DSCAM: variants seen among roughly 807,000 people sequenced by gnomAD.
DSCAM encodes cell adhesion molecule DSCAM.
In DSCAM, 47 loss-of-function variants were observed where a neutral mutation model predicts 217.7. The observed-to-expected ratio is 0.22, with a 90% CI of 0.17 to 0.28. DSCAM has a LOEUF of 0.28. Among genes scored for constraint, DSCAM ranks in the 10% least tolerant of loss-of-function variants. DSCAM has a pLI of 1.00. For missense variants in DSCAM, 2,080 were observed against 2,618.3 expected (o/e 0.79, Z 4.49); for synonymous variants, 1,056 against 1,015.3 (o/e 1.04, Z -0.76).
At chr21:40,057,873 CTTTT>C (rs71186913) in intron 28 of DSCAM, among the ~76,000 whole-genome samples, 42 of 107,208 alleles carry the variant, frequency 3.9e-4, no homozygotes, top group Admixed American at 9.2e-4. Flanking sequence ...TCACTGCAGT[CTTTT>C]TTTTTTTTTT....
intron 10 of DSCAM, among the ~76,000 whole-genome samples, chr21:40,289,208 C>T (rs761328463): frequency 2.0e-5 from 3 of 152,092 alleles, no homozygotes; most frequent in African/African-American, 4.8e-5. Flanking sequence ...AAATGGGCAA[C>T]CAACAGGGTA....
At chr21:40,677,406 G>C (rs980412611) in intron 3 of DSCAM, among the ~76,000 whole-genome samples, 4 of 152,046 alleles carry the variant, frequency 2.6e-5, no homozygotes, top group East Asian at 1.9e-4. Flanking sequence ...TGGGAGCCGG[G>C]GGGTGAGGGA....
chr21:40,208,358 G>A (rs773296923), intron 11 of DSCAM, among the ~76,000 whole-genome samples: 17 of 152,188 alleles, frequency 1.1e-4, no homozygotes, highest in Non-Finnish European at 1.8e-4. Flanking sequence ...GGAGGCTGAG[G>A]CATGAGAATA....
At chr21:40,288,552 C>T (rs552339696) in intron 10 of DSCAM, among the ~76,000 whole-genome samples, 3 of 152,244 alleles carry the variant, frequency 2.0e-5, no homozygotes, top group South Asian at 2.1e-4. Flanking sequence ...ACTTCTAATA[C>T]GTATGGTGCT....
At chr21:40,731,950 C>T (rs1365158556) in intron 1 of DSCAM, among the ~76,000 whole-genome samples, 1 of 152,120 alleles carries the variant, frequency 6.6e-6, no homozygotes, top group Non-Finnish European at 1.5e-5. Context: ...TGGTCTCAAA[C>T]TCCTGACCTC....
chr21:40,731,730 C>CG (rs1301503626), intron 1 of DSCAM, among the ~76,000 whole-genome samples: 3 of 89,846 alleles, frequency 3.3e-5, no homozygotes, highest in African/African-American at 1.8e-4. Context: ...CCCACTGCAC[C>CG]CCCCCCCCCG....
At chr21:40,651,958 C>A (rs1022194821) in intron 3 of DSCAM, among the ~76,000 whole-genome samples, 25 of 152,190 alleles carry the variant, frequency 1.6e-4, no homozygotes, top group African/African-American at 5.8e-4. Context: ...TCAGCCCCCC[C>A]ACCTTTTTCT....
chr21:40,230,453 T>C (rs2091371297), intron 11 of DSCAM, among the ~76,000 whole-genome samples: 1 of 152,206 alleles, frequency 6.6e-6, no homozygotes, highest in Admixed American at 6.5e-5. Flanking sequence ...ATCAAATCTG[T>C]GAGCACTGAC....
intron 27 of DSCAM, among the ~76,000 whole-genome samples, chr21:40,065,140 C>T (rs1302293982): frequency 6.6e-6 from 1 of 151,994 alleles, no homozygotes; most frequent in African/African-American, 2.4e-5. Flanking sequence ...GCAGGGAGTC[C>T]AGGAAAAGGG....
intron 16 of DSCAM, among the ~76,000 whole-genome samples, chr21:40,159,290 T>G (rs899445664): frequency 1.4e-4 from 21 of 152,226 alleles, no homozygotes; most frequent in Non-Finnish European, 2.5e-4. Context: ...TACTAACTTA[T>G]GTATCTCACT....
intron 3 of DSCAM, among the ~76,000 whole-genome samples, chr21:40,601,214 T>TCG (rs1391227432): frequency 1.3e-5 from 2 of 152,208 alleles, no homozygotes; most frequent in Admixed American, 1.3e-4. Context: ...TTTGTAGTTT[T>TCG]CTTCATGTAA....
At position 40,384,411 on chromosome 21, in the gene DSCAM, T is replaced by C. The variant is rs146096200; in HGVS notation, c.509-15166A>G. Among the ~76,000 whole-genome samples the C allele has an allele frequency of 2.9e-3, 437 of 152,002 alleles. 2 individuals carry two copies. Among genetic ancestry groups the C allele is most frequent in the Non-Finnish European group, 4.2e-3 (286 of 67,944 alleles). On this transcript the variant is annotated intron_variant, in intron 3 of 32. Transcript: ENST00000400454. Reference sequence around the variant, plus strand: ...TCATCAGAGGTCAGGAGTTAGAGACTAGCCTGACCAACATGGTGAAACCCC... The same window carrying C: ...TCATCAGAGGTCAGGAGTTAGAGACCAGCCTGACCAACATGGTGAAACCCC...
intron 5 of DSCAM, 93 bp from the exon 6 acceptor site, chr21:40,348,038 T>C (rs1222795450): frequency 2.9e-6 from 4 of 1,379,696 alleles, no homozygotes; most frequent in Non-Finnish European, 2.9e-6. Flanking sequence ...AGCAAGTGCA[T>C]CACGCAATCA....
chr21:40,832,296 A>T (rs2837847), intron 1 of DSCAM, among the ~76,000 whole-genome samples: 9,176 of 152,284 alleles, frequency 0.06, 659 homozygotes, highest in African/African-American at 0.15. Flanking sequence ...TAGCTAATAA[A>T]CATAACGAGT....
intron 3 of DSCAM, among the ~76,000 whole-genome samples, chr21:40,446,062 A>G (rs1418681200): frequency 6.6e-6 from 1 of 152,206 alleles, no homozygotes; most frequent in African/African-American, 2.4e-5. Flanking sequence ...AAGGTTTAAG[A>G]GGATACGTTA....
At chr21:40,650,417 TAA>T (rs1300589765) in intron 3 of DSCAM, among the ~76,000 whole-genome samples, 1 of 152,240 alleles carries the variant, frequency 6.6e-6, no homozygotes, top group African/African-American at 2.4e-5. Context: ...GATAACTGGT[TAA>T]ACATTATTTC....
intron 11 of DSCAM, among the ~76,000 whole-genome samples, chr21:40,206,131 G>C (rs2091122976): frequency 3.3e-5 from 5 of 152,212 alleles, no homozygotes. Context: ...CAGTTCTAAG[G>C]ATAGTAATGT....
rs2073666601 is a variant in DSCAM at position 40,274,917 on chromosome 21, A to G, written c.2356+1180T>C. Among the ~76,000 whole-genome samples the G allele has an allele frequency of 2.0e-5, 3 of 152,316 alleles. No individual in the cohort carries two copies. In the South Asian group the frequency reaches 6.2e-4, roughly 32 times the overall value. On this transcript the variant is annotated intron_variant, in intron 11 of 32. Transcript: ENST00000400454. ...TGTTTAGCTAGCCTTTCAATATCAT[A>G]CACACACAAATACACACACCCCTGA... is the stretch of plus-strand genomic sequence containing the variant.
At chr21:40,574,395 T>C (rs2076832419) in intron 3 of DSCAM, among the ~76,000 whole-genome samples, 1 of 152,120 alleles carries the variant, frequency 6.6e-6, no homozygotes, top group Admixed American at 6.5e-5. Context: ...TCAATACATG[T>C]AGAAAAAGCA....
Sources: gnomAD v4.1 joint callset for allele counts (sites outside exome capture counted in the v4.1 genomes callset) on GRCh38, gnomAD v4.1.1 for gene constraint, MANE v1.5 for transcripts, NCBI Gene and HGNC (gene_info 2026-07-23, HGNC 2026-07-21) for gene names.